Variants in CRTC1 observed in about 807,000 individuals in gnomAD.
CRTC1 encodes the protein CREB-regulated transcription coactivator 1.
A neutral mutation model predicts 66.1 loss-of-function variants in CRTC1; 18 were observed. That is an observed-to-expected ratio of 0.27 (90% CI 0.19 to 0.40). The LOEUF is 0.40. Among genes scored for constraint, CRTC1 ranks in the 10% least tolerant of loss-of-function variants. CRTC1 has a pLI of 1.00. For synonymous variants in CRTC1, 416 were observed against 398.8 expected (o/e 1.04, Z -0.51); for missense variants, 669 against 887.9 (o/e 0.75, Z 3.13).
intron 10 of CRTC1, among the ~76,000 whole-genome samples, chr19:18,770,097 T>TTA (rs1453021721): frequency 7.8e-6 from 1 of 128,444 alleles, no homozygotes; most frequent in African/African-American, 2.9e-5. Context: ...GAGACAGCAA[T>TTA]TATAGGCCCT....
In CRTC1 at chr19:18,777,442, C is replaced by A. The variant is rs771213697; in HGVS notation, c.*60C>A. The A allele has an allele frequency of 1.2e-5, 18 of 1,466,004 alleles. No individual in the cohort carries two copies. Among genetic ancestry groups the A allele is most frequent in the Non-Finnish European group, 1.7e-5 (18 of 1,059,920 alleles). 90.8% of individuals were successfully genotyped at this position (1,466,004 alleles called of 1,614,324 possible). A position where few individuals can be genotyped will look rare whatever the true frequency, so the allele number is the denominator to read the frequency against. On this transcript the variant is annotated 3_prime_UTR_variant, in exon 14 of 14. Transcript: ENST00000321949. The surrounding 1 kb of genome is among the most constrained non-coding windows in gnomAD (Gnocchi z 5.5). Reference sequence around the variant, plus strand: ...CGACGGCGCCTCCCCAGCCCGGGGACGGCCGTGCTCCGTCCCTCGCCAACG... The same window carrying A: ...CGACGGCGCCTCCCCAGCCCGGGGAAGGCCGTGCTCCGTCCCTCGCCAACG...
chr19:18,703,537 C>T (rs555077838), intron 1 of CRTC1, among the ~76,000 whole-genome samples: 4 of 152,186 alleles, frequency 2.6e-5, no homozygotes, highest in Middle Eastern at 3.4e-3. Context: ...CAGCTCACTG[C>T]AAGCAACCTC....
At chr19:18,746,727 A>G (rs1257611230) in intron 3 of CRTC1, among the ~76,000 whole-genome samples, 1 of 152,150 alleles carries the variant, frequency 6.6e-6, no homozygotes, top group African/African-American at 2.4e-5. Context: ...AGCTGAACTC[A>G]GACTCCACAG....
At chr19:18,776,889 A>T (rs1347928215) in intron 13 of CRTC1, among the ~76,000 whole-genome samples, 1 of 152,134 alleles carries the variant, frequency 6.6e-6, no homozygotes, top group African/African-American at 2.4e-5. Flanking sequence ...GCTGACGTGC[A>T]TCAGTGACAC....
At chr19:18,748,072 G>T (rs1256828602) in intron 4 of CRTC1, among the ~76,000 whole-genome samples, 15 of 151,250 alleles carry the variant, frequency 9.9e-5, no homozygotes, top group Non-Finnish European at 2.1e-4. Context: ...GCGAGACCCT[G>T]TCTCCAAGGC....
chr19:18,740,246 C>A (rs1401766644), intron 1 of CRTC1, among the ~76,000 whole-genome samples: 2 of 151,374 alleles, frequency 1.3e-5, no homozygotes, highest in Non-Finnish European at 2.9e-5. Flanking sequence ...GAGCTAGACT[C>A]CATCTTAAAA....
At chr19:18,743,416 T>C (rs752612554) in intron 2 of CRTC1, among the ~76,000 whole-genome samples, 11 of 152,200 alleles carry the variant, frequency 7.2e-5, no homozygotes, top group Non-Finnish European at 1.3e-4. Flanking sequence ...TCTGCAAACG[T>C]TTCTTGGCAG....
chr19:18,773,537 G>A (rs1045629663), intron 11 of CRTC1, among the ~76,000 whole-genome samples: 4 of 151,782 alleles, frequency 2.6e-5, no homozygotes, highest in African/African-American at 4.8e-5. Flanking sequence ...CCCACACCCC[G>A]AGCCCCAGGA....
intron 1 of CRTC1, among the ~76,000 whole-genome samples, chr19:18,684,056 C>T (rs1170655451): frequency 6.6e-6 from 1 of 151,754 alleles, no homozygotes; most frequent in Admixed American, 6.6e-5. Flanking sequence ...TACAGGTGCC[C>T]TGCATCACTG....
At chr19:18,727,580 CAAAA>C (rs60907638) in intron 1 of CRTC1, among the ~76,000 whole-genome samples, 7 of 51,808 alleles carry the variant, frequency 1.4e-4, no homozygotes, top group African/African-American at 4.1e-4. Context: ...GACTCTGTCT[CAAAA>C]AAAAAAAAAA....
In CRTC1 at chr19:18,768,456, G is replaced by C; in HGVS notation, c.1012-29G>C. 2.5e-6 allele frequency: 4 copies of C among 1,597,904 alleles called. No homozygotes were observed. The highest frequency in any genetic ancestry group is 3.4e-6 in the Non-Finnish European group (4 of 1,173,828). The stretch of plus-strand genomic sequence containing the variant: ...GGCCAGGCGCTGACAACCAGGGCCC[G>C]CCCTGCCTGACGCTCTCCTCTCCTG... On this transcript the variant is annotated intron_variant, in intron 9 of 13. Coordinates refer to ENST00000321949, the MANE Select transcript of CRTC1 (RefSeq NM_015321.3). The surrounding 1 kb of genome is among the most constrained non-coding windows in gnomAD (Gnocchi z 5.6).
chr19:18,757,235 G>A (rs2054510060), intron 6 of CRTC1, among the ~76,000 whole-genome samples: 1 of 152,172 alleles, frequency 6.6e-6, no homozygotes, highest in African/African-American at 2.4e-5. Flanking sequence ...CCTGCCAAGA[G>A]CAGAAGACGG....
intron 1 of CRTC1, among the ~76,000 whole-genome samples, chr19:18,739,191 C>T (rs1435144450): frequency 6.6e-6 from 1 of 152,230 alleles, no homozygotes; most frequent in Non-Finnish European, 1.5e-5. Context: ...CCTGTCGCCC[C>T]GCTTGTTGAC....
intron 1 of CRTC1, among the ~76,000 whole-genome samples, chr19:18,729,435 AAAAG>A (rs2053836528): frequency 6.6e-6 from 1 of 151,042 alleles, no homozygotes; most frequent in Non-Finnish European, 1.5e-5. Flanking sequence ...CAAAAAAAAA[AAAAG>A]AAAAAAAAAA....
Position 18,774,950 on chromosome 19 carries a change from G to A in CRTC1, c.1476G>A (p.Gln492=). The A allele has an allele frequency of 4.3e-6, 7 of 1,609,334 alleles. No individual in the cohort carries two copies. Among genetic ancestry groups the A allele is most frequent in the Non-Finnish European group, 5.9e-6 (7 of 1,180,020 alleles). Residue 492 remains glutamine, a synonymous_variant, in exon 12 of 14, where the codon CAG becomes CAA. Transcript: ENST00000321949. ...TTGGGGACGCGTACTATGAGCAGCA[G>A]ATGGCGGCCAGGCAGGCCAATGCTC... The part of the protein sequence containing the change: ...SVFGDAYYEQ[Q]MAARQANALS...
At chr19:18,721,695 A>G (rs1482760449) in intron 1 of CRTC1, among the ~76,000 whole-genome samples, 1 of 151,952 alleles carries the variant, frequency 6.6e-6, no homozygotes, top group Non-Finnish European at 1.5e-5. Flanking sequence ...GGGTCTTGCT[A>G]TGTTGCCCAG....
chr19:18,689,583 A>ATATATATATATATATG lies in CRTC1; in HGVS notation c.126+5758_126+5759insATATATATATATGTAT, dbSNP rs60084986. ...GATGGCCATATATATATATATATAT[A>ATATATATATATATATG]TATGTAATATAACACTTACCATTTT... On this transcript the variant is annotated intron_variant, in intron 1 of 13. Transcript: ENST00000321949. Among the ~76,000 whole-genome samples, 66 of 65,694 alleles carry ATATATATATATATATG rather than the reference A, an allele frequency of 1.0e-3. No homozygotes were observed. The East Asian group carries it at 0.018, about 18-fold the overall frequency. 43.1% of individuals were successfully genotyped at this position (65,694 alleles called of 152,430 possible). A position where few individuals can be genotyped will look rare whatever the true frequency, so the allele number is the denominator to read the frequency against.
chr19:18,743,099 T>G (rs1227326733), intron 2 of CRTC1, 73 bp downstream of exon 2: 1 of 1,151,734 alleles, frequency 8.7e-7, no homozygotes, highest in Non-Finnish European at 1.3e-6. Flanking sequence ...GGCCAGACAT[T>G]GAGGACAGCT....
chr19:18,746,923 A>C, intron 3 of CRTC1, 130 bp from the exon 4 acceptor site: 1 of 739,968 alleles, frequency 1.4e-6, no homozygotes, highest in Non-Finnish European at 2.3e-6. Flanking sequence ...CCCCCGCCCT[A>C]CTGGTCCCAG....
Sources: gnomAD v4.1 joint callset for allele counts (sites outside exome capture counted in the v4.1 genomes callset) on GRCh38, gnomAD v4.1.1 for gene constraint, Gnocchi (gnomAD v3.1) non-coding constraint, MANE v1.5 for transcripts, NCBI Gene and HGNC (gene_info 2026-07-23, HGNC 2026-07-21) for gene names.